Variants in CFAP54 observed in about 807,000 individuals in gnomAD.
CFAP54 encodes the protein cilia- and flagella-associated protein 54.
Under a neutral mutation model 370.4 loss-of-function variants are expected in CFAP54, and 290 were observed. That is an observed-to-expected ratio of 0.78 (90% CI 0.71 to 0.86). CFAP54 has a LOEUF of 0.86. Ranked by LOEUF, CFAP54 falls within the 40% of genes least tolerant of loss-of-function variation. The pLI is 0.00. For synonymous variants in CFAP54, 1,206 were observed against 1,236.5 expected (o/e 0.98, Z 0.52); for missense variants, 3,399 against 3,528.7 (o/e 0.96, Z 0.93).
Position 96,581,098 on chromosome 12 carries a change from T to C in CFAP54, c.3068T>C (p.Leu1023Pro). ...TCTACTATTACTGCTCGGATGTTCC[T>C]GACACAGGTAGAAAAGATTTCTGCT... ...PLSTITARMFLTQVAYQVGNY... is the reference protein window; with the variant it reads ...PLSTITARMFPTQVAYQVGNY... Residue 1023 changes from leucine (L) to proline (P), a missense_variant, in exon 22 of 68, where the codon CTG (leucine) becomes CCG (proline). Leu to Pro is a moderately conservative substitution (Grantham distance 98). This residue lies in a region of CFAP54 where 2,796 missense variants were observed against 2,869.7 expected (regional missense o/e 0.97). Transcript: ENST00000524981. The C allele has an allele frequency of 2.0e-6, 3 of 1,467,702 alleles. No homozygotes were observed. The highest frequency in any genetic ancestry group is 1.4e-5 in the South Asian group (1 of 73,572). The allele number at this position is 1,467,702 out of a possible 1,614,324, so 90.9% of individuals were successfully genotyped here.
At chr12:96,571,335 T>C (rs1315609167) in intron 19 of CFAP54, among the ~76,000 whole-genome samples, 3 of 152,184 alleles carry the variant, frequency 2.0e-5, no homozygotes, top group Non-Finnish European at 2.9e-5. Flanking sequence ...TGGTGGCACA[T>C]TGCAGTGGAA....
intron 6 of CFAP54, among the ~76,000 whole-genome samples, chr12:96,520,658 G>C (rs924078750): frequency 3.3e-5 from 5 of 152,188 alleles, no homozygotes; most frequent in Non-Finnish European, 7.3e-5. Flanking sequence ...ACCTTGGTGA[G>C]AATGAGAAAT....
At chr12:96,649,008 G>C (rs1172664386) in intron 34 of CFAP54, among the ~76,000 whole-genome samples, 1 of 152,080 alleles carries the variant, frequency 6.6e-6, no homozygotes, top group Non-Finnish European at 1.5e-5. Flanking sequence ...CAATGATATG[G>C]TTCATTTCAC....
At chr12:96,826,704 T>C (rs1296563831) in intron 65 of CFAP54, among the ~76,000 whole-genome samples, 10 of 111,140 alleles carry the variant, frequency 9.0e-5, no homozygotes, top group African/African-American at 3.7e-4. Context: ...TTATAATATA[T>C]AAATTAATAT....
At chr12:96,664,626 G>A (rs1592696358) in intron 39 of CFAP54, among the ~76,000 whole-genome samples, 1 of 39,984 alleles carries the variant, frequency 2.5e-5, no homozygotes, top group Non-Finnish European at 7.5e-5. Flanking sequence ...GAACGTATGT[G>A]TGTGTGTGTG....
intron 67 of CFAP54, among the ~76,000 whole-genome samples, chr12:96,874,646 T>TTTTTTTTG: frequency 9.6e-6 from 1 of 103,722 alleles, no homozygotes; most frequent in Non-Finnish European, 1.9e-5. Context: ...TTTTTTTTTT[T>TTTTTTTTG]TGAGACGGAG....
intron 2 of CFAP54, among the ~76,000 whole-genome samples, chr12:96,502,117 G>T (rs1176097975): frequency 1.3e-5 from 2 of 152,126 alleles, no homozygotes; most frequent in African/African-American, 4.8e-5. Context: ...AGGGAGGAGA[G>T]AGGTGTATGT....
At chr12:96,580,128 A>T (rs1433103198) in intron 20 of CFAP54, among the ~76,000 whole-genome samples, 1 of 151,758 alleles carries the variant, frequency 6.6e-6, no homozygotes, top group Non-Finnish European at 1.5e-5. Flanking sequence ...TTTGTCATAC[A>T]TTATCATGTA....
At chr12:96,683,741 C>T (rs1808859163) in intron 40 of CFAP54, among the ~76,000 whole-genome samples, 1 of 151,932 alleles carries the variant, frequency 6.6e-6, no homozygotes, top group East Asian at 1.9e-4. Flanking sequence ...GGGTTTTTGG[C>T]TACACATCCC....
At chr12:96,494,699 T>C (rs1310951085) in intron 1 of CFAP54, among the ~76,000 whole-genome samples, 2 of 152,144 alleles carry the variant, frequency 1.3e-5, no homozygotes, top group East Asian at 3.9e-4. Context: ...AGGAGTTGCT[T>C]TTATAATATA....
intron 12 of CFAP54, among the ~76,000 whole-genome samples, chr12:96,536,740 C>T (rs1439223150): frequency 6.6e-6 from 1 of 151,144 alleles, no homozygotes; most frequent in Non-Finnish European, 1.5e-5. Flanking sequence ...GATTCTCTTG[C>T]CTCAGCCTTC....
intron 26 of CFAP54, among the ~76,000 whole-genome samples, chr12:96,600,257 T>A (rs1232015573): frequency 6.6e-6 from 1 of 152,240 alleles, no homozygotes; most frequent in Non-Finnish European, 1.5e-5. Context: ...AAATAGGGAA[T>A]CCTTTCCCCA....
intron 45 of CFAP54, among the ~76,000 whole-genome samples, chr12:96,697,488 T>G (rs1273529802): frequency 6.6e-6 from 1 of 152,170 alleles, no homozygotes; most frequent in Non-Finnish European, 1.5e-5. Context: ...ACAAGCTATT[T>G]TCTCTTTCTT....
intron 1 of CFAP54, among the ~76,000 whole-genome samples, chr12:96,495,836 T>C (rs2042773838): frequency 6.6e-6 from 1 of 152,166 alleles, no homozygotes; most frequent in Admixed American, 6.5e-5. Flanking sequence ...TCTTGATTGA[T>C]TTAACAAAGC....
chr12:96,728,973 C>T (rs1186179894), intron 50 of CFAP54, among the ~76,000 whole-genome samples: 7 of 152,190 alleles, frequency 4.6e-5, no homozygotes, highest in African/African-American at 9.7e-5. Context: ...GTATCAGCAG[C>T]GGTGTCTGTA....
At chr12:96,695,556 A>G (rs1176133816) in intron 45 of CFAP54, among the ~76,000 whole-genome samples, 1 of 152,238 alleles carries the variant, frequency 6.6e-6, no homozygotes. Flanking sequence ...AAGAAACTCC[A>G]TGTAACTTTT....
At chr12:96,827,007 T>A (rs7963725) in intron 65 of CFAP54, among the ~76,000 whole-genome samples, 3,172 of 121,862 alleles carry the variant, frequency 0.026, 184 homozygotes, top group African/African-American at 0.1. Flanking sequence ...ATATGATTAA[T>A]TATAATATGC....
intron 38 of CFAP54, among the ~76,000 whole-genome samples, chr12:96,659,335 T>C (rs1463439190): frequency 6.6e-6 from 1 of 152,184 alleles, no homozygotes; most frequent in Admixed American, 6.5e-5. Flanking sequence ...GGTTTCACCA[T>C]GTTGGCCAGG....
intron 17 of CFAP54, among the ~76,000 whole-genome samples, chr12:96,556,777 T>C (rs1210243517): frequency 6.6e-6 from 1 of 152,182 alleles, no homozygotes; most frequent in African/African-American, 2.4e-5. Context: ...CTGGAGGCTA[T>C]TATCCTTAGC....
Sources: gnomAD v4.1 joint callset for allele counts (sites outside exome capture counted in the v4.1 genomes callset) on GRCh38, gnomAD v4.1.1 for gene constraint, gnomAD v4.1.1 regional missense constraint, MANE v1.5 for transcripts, NCBI Gene and HGNC (gene_info 2026-07-23, HGNC 2026-07-21) for gene names.